The following SEM1 variants were observed in gnomAD, a reference collection of about 807,000 sequenced individuals.
SEM1 encodes 26S proteasome complex subunit SEM1.
SEM1 carries 3 observed loss-of-function variants against 12.7 expected under a neutral mutation model. That is an observed-to-expected ratio of 0.24 (90% confidence interval 0.11 to 0.61). The LOEUF (loss-of-function observed/expected upper bound fraction) is 0.61. SEM1 is among the 20% of genes least tolerant of loss of function. The pLI, the probability that SEM1 is intolerant of heterozygous loss-of-function variation, is 0.88. For synonymous variants in SEM1, 30 were observed against 27.8 expected (o/e 1.08, Z -0.25); for missense variants, 59 against 81.3 (o/e 0.73, Z 1.06).
intron 2 of SEM1, among the ~76,000 whole-genome samples, chr7:96,613,701 T>C (rs1232945889): frequency 6.6e-6 from 1 of 152,198 alleles, no homozygotes; most frequent in African/African-American, 2.4e-5. Flanking sequence ...TCTCTGCCTG[T>C]TCCACTCCCA....
At chr7:96,593,549 T>A (rs1160282488) in intron 2 of SEM1, among the ~76,000 whole-genome samples, 1 of 152,186 alleles carries the variant, frequency 6.6e-6, no homozygotes, top group Non-Finnish European at 1.5e-5. Flanking sequence ...ACCTCCCTCC[T>A]CTTGCTATAG....
chr7:96,574,905 A>G (rs1806156825), intron 2 of SEM1, among the ~76,000 whole-genome samples: 1 of 152,130 alleles, frequency 6.6e-6, no homozygotes, highest in African/African-American at 2.4e-5. Flanking sequence ...GTTGGGTTAG[A>G]ACGTGCTTCT....
At chr7:96,584,572 T>G (rs1236002274) in intron 2 of SEM1, among the ~76,000 whole-genome samples, 1 of 151,962 alleles carries the variant, frequency 6.6e-6, no homozygotes, top group African/African-American at 2.4e-5. Context: ...TTTTCCAACT[T>G]GGTTCCATTC....
chr7:96,685,782 G>GT (rs1789745089), downstream of SEM1, among the ~76,000 whole-genome samples: 1 of 132,932 alleles, frequency 7.5e-6, no homozygotes. Context: ...GCATGGCTCA[G>GT]TAAAAAAAAA....
intron 2 of SEM1, among the ~76,000 whole-genome samples, chr7:96,644,604 G>T (rs1398771490): frequency 6.6e-6 from 1 of 152,078 alleles, no homozygotes; most frequent in Non-Finnish European, 1.5e-5. Flanking sequence ...ATTCTAAACA[G>T]GATTTTCTGC....
intron 2 of SEM1, among the ~76,000 whole-genome samples, chr7:96,533,053 T>C (rs962708029): frequency 3.9e-5 from 6 of 152,116 alleles, no homozygotes; most frequent in African/African-American, 1.4e-4. Flanking sequence ...AACTCACCAC[T>C]TTCTGGGAGG....
intron 2 of SEM1, among the ~76,000 whole-genome samples, chr7:96,525,201 A>G (rs746799779): frequency 6.6e-6 from 1 of 151,464 alleles, no homozygotes; most frequent in Non-Finnish European, 1.5e-5. Flanking sequence ...AGGCTCTTAT[A>G]TAAACAATTA....
At chr7:96,672,389 G>A (rs1327413588), downstream of SEM1, among the ~76,000 whole-genome samples, 2 of 152,158 alleles carry the variant, frequency 1.3e-5, no homozygotes, top group Admixed American at 6.6e-5. Flanking sequence ...GACATCGTAG[G>A]TAGGAGAAGG....
intron 2 of SEM1, among the ~76,000 whole-genome samples, chr7:96,632,545 G>A (rs1333820059): frequency 6.6e-6 from 1 of 152,052 alleles, no homozygotes; most frequent in African/African-American, 2.4e-5. Flanking sequence ...ACACACTGGG[G>A]CCTGTCAGGG....
At chr7:96,486,290 T>A in exon 2 of SEM1, 3 of 1,537,162 alleles carry the variant, frequency 2.0e-6, no homozygotes, top group Non-Finnish European at 2.6e-6. Context: ...ATGCTTACTC[T>A]CATGGATCCA....
At chr7:96,678,959 A>G (rs1410084360) in intron 2 of SEM1, among the ~76,000 whole-genome samples, 1 of 152,116 alleles carries the variant, frequency 6.6e-6, no homozygotes, top group Admixed American at 6.6e-5. Context: ...AACTAGTATT[A>G]TATAGACTTG....
intron 2 of SEM1, among the ~76,000 whole-genome samples, chr7:96,632,918 C>T (rs1013515317): frequency 2.0e-5 from 3 of 151,616 alleles, no homozygotes; most frequent in East Asian, 3.9e-4. Flanking sequence ...TTTAAATGCA[C>T]CCTGATATTT....
In SEM1 at chr7:96,674,141, TTCC is replaced by T. The variant is rs1313165239; in HGVS notation, c.171-285_171-283del. 3.3e-5 allele frequency among the ~76,000 whole-genome samples: 5 copies of T among 152,312 alleles called. No individual in the cohort carries two copies. In the East Asian group the frequency reaches 9.6e-4, roughly 29 times the overall value. ...GTCCTGTTCTTTCTTTAAAATTATT[TTCC>T]TCATTATTTGTAATTACATATTTAC... On this transcript the variant is annotated intron_variant, in intron 2 of 2. Transcript: ENST00000413065.
intron 2 of SEM1, among the ~76,000 whole-genome samples, chr7:96,625,581 A>G (rs959107230): frequency 6.6e-6 from 1 of 152,180 alleles, no homozygotes; most frequent in African/African-American, 2.4e-5. Context: ...AAAGTTTAGG[A>G]TCTAAGCTAC....
chr7:96,483,914 G>A, exon 4 of SEM1: 1 of 1,536,742 alleles, frequency 6.5e-7, no homozygotes, highest in Non-Finnish European at 8.7e-7. Flanking sequence ...ATGGCAGCCA[G>A]GCAGGCAAGA....
At chr7:96,669,844 T>C (rs1789267714), downstream of SEM1, among the ~76,000 whole-genome samples, 1 of 152,216 alleles carries the variant, frequency 6.6e-6, no homozygotes, top group South Asian at 2.1e-4. Context: ...ATTTTAATAG[T>C]AGCACAAATA....
chr7:96,549,562 C>T (rs1247741794), intron 2 of SEM1, among the ~76,000 whole-genome samples: 1 of 152,102 alleles, frequency 6.6e-6, no homozygotes, highest in Non-Finnish European at 1.5e-5. Context: ...AAGAGGATGG[C>T]TCACTTAAAA....
intron 1 of SEM1, among the ~76,000 whole-genome samples, chr7:96,494,396 G>T (rs755098170): frequency 5.3e-5 from 8 of 152,142 alleles, no homozygotes; most frequent in Non-Finnish European, 1.0e-4. Context: ...TAAAGTTTGG[G>T]AGCTTTTCTC....
chr7:96,585,292 G>T (rs1340822227), intron 2 of SEM1, among the ~76,000 whole-genome samples: 1 of 152,194 alleles, frequency 6.6e-6, no homozygotes, highest in Non-Finnish European at 1.5e-5. Context: ...GGGGTCAGGG[G>T]TCAGGGACCC....
Sources: allele counts gnomAD v4.1 joint callset (sites outside exome capture counted in the v4.1 genomes callset), GRCh38; gene constraint gnomAD v4.1.1; transcripts MANE v1.5; gene names NCBI Gene and HGNC (gene_info 2026-07-23, HGNC 2026-07-21).